EIPR1: variants seen among roughly 807,000 people sequenced by gnomAD.
EIPR1 encodes the protein EARP complex and GARP complex interacting protein 1.
In EIPR1, 25 loss-of-function variants were observed where a neutral mutation model predicts 48.1. That is an observed-to-expected ratio of 0.52 (90% CI 0.38 to 0.73). EIPR1 has a LOEUF of 0.73. Ranked by LOEUF, EIPR1 falls within the 30% of genes least tolerant of loss-of-function variation. EIPR1 has a pLI of 0.00. For missense variants in EIPR1, 415 were observed against 506.2 expected (o/e 0.82, Z 1.73); for synonymous variants, 204 against 201.9 (o/e 1.01, Z -0.09).
At position 3,377,763 on chromosome 2, in the gene EIPR1, G is replaced by C; in HGVS notation, c.-74C>G. 3.3e-6 allele frequency: 5 copies of C among 1,533,654 alleles called. 1 individual carries two copies. The South Asian group carries it at 6.0e-5, about 18-fold the overall frequency. On this transcript the variant is annotated 5_prime_UTR_variant, in exon 1 of 9. Coordinates refer to ENST00000382125, the MANE Select transcript of EIPR1 (RefSeq NM_003310.5). ...GCTACGGCCGGCGCGTCCCCACCTCGCGGGCGTGTTCCCAGCGCCCATTCA... is the reference window on the plus strand; with the variant it reads ...GCTACGGCCGGCGCGTCCCCACCTCCCGGGCGTGTTCCCAGCGCCCATTCA...
rs927613005 is a variant in EIPR1, at chr2:3,312,059, A to G, written c.259+25958T>C. ...ACCCTATAGCTTTCATTGACCCAAG[A>G]TAACTGTGTGTTGGAGCCACAACAC... On this transcript the variant is annotated intron_variant, in intron 3 of 8. Coordinates refer to ENST00000382125, the MANE Select transcript of EIPR1 (RefSeq NM_003310.5). This position sits in a 1 kb window ranked among gnomAD's most constrained non-coding sequence, Gnocchi z 5.5. Among the ~76,000 whole-genome samples, 20 of 152,262 alleles carry G rather than the reference A, an allele frequency of 1.3e-4. No homozygotes were observed. Among genetic ancestry groups the G allele is most frequent in the African/African-American group, 4.3e-4 (18 of 41,552 alleles).
In EIPR1 at chr2:3,365,162, G is replaced by T. The variant is rs565870782; in HGVS notation, c.43-10529C>A. Among the ~76,000 whole-genome samples the T allele has an allele frequency of 4.6e-5, 7 of 151,612 alleles. No individual in the cohort carries two copies. In the South Asian group the frequency reaches 1.5e-3, roughly 32 times the overall value. Reference sequence around the variant, plus strand: ...TAATTAAAAAAAAAAAAGAAGCTGGGTGTGGTGGCTCAAGACTATAATTCC... The same window carrying T: ...TAATTAAAAAAAAAAAAGAAGCTGGTTGTGGTGGCTCAAGACTATAATTCC... On this transcript the variant is annotated intron_variant, in intron 1 of 8. Coordinates refer to ENST00000382125, the MANE Select transcript of EIPR1 (RefSeq NM_003310.5).
intron 3 of EIPR1, among the ~76,000 whole-genome samples, chr2:3,273,997 A>T (rs1321452737): frequency 6.6e-6 from 1 of 152,258 alleles, no homozygotes; most frequent in African/African-American, 2.4e-5. Flanking sequence ...AAGCATCTAG[A>T]AGTAAAAATC....
chr2:3,318,867 T>A (rs761872200), intron 3 of EIPR1: 1 of 471,166 alleles, frequency 2.1e-6, no homozygotes, highest in Non-Finnish European at 4.4e-6. Context: ...CTGCGACCTG[T>A]CCCCTGAAGA....
intron 2 of EIPR1, among the ~76,000 whole-genome samples, chr2:3,348,390 C>A (rs1395388596): frequency 6.6e-6 from 1 of 152,106 alleles, no homozygotes; most frequent in African/African-American, 2.4e-5. Context: ...AAGAGGGGGG[C>A]ACCAATATAC....
rs1558227665 is a variant in EIPR1, at chr2:3,214,267, C to T, written c.417-19G>A. On this transcript the variant is annotated intron_variant, in intron 4 of 8. Coordinates refer to ENST00000382125, the MANE Select transcript of EIPR1 (RefSeq NM_003310.5). ...CACGACACTAAGAGAAAGAGAAGTA[C>T]CAAATGTTAACATAAACATTTGAGA... is the stretch of plus-strand genomic sequence containing the variant. The T allele has an allele frequency of 1.2e-6, 2 of 1,608,116 alleles. No individual in the cohort carries two copies. The highest frequency in any genetic ancestry group is 1.1e-5 in the South Asian group (1 of 90,650).
chr2:3,225,222 A>ATGTGTGTGTGTG (rs61557621), intron 4 of EIPR1, among the ~76,000 whole-genome samples: 2,130 of 136,946 alleles, frequency 0.016, 41 homozygotes, highest in African/African-American at 0.018. Flanking sequence ...ACACTGTGAT[A>ATGTGTGTGTGTG]TGTGTGTGTG....
At position 3,287,382 on chromosome 2, in the gene EIPR1, T is replaced by G. The variant is rs117753972; in HGVS notation, c.260-29927A>C. On this transcript the variant is annotated intron_variant, in intron 3 of 8. Transcript: ENST00000382125. ...GCTCGTTCACTACGCTCCAGAAAGC[T>G]TGTTCACCACAATCCAGAAAGCGTG... is the stretch of plus-strand genomic sequence containing the variant. Among the ~76,000 whole-genome samples, 234 of 151,422 alleles carry G rather than the reference T, an allele frequency of 1.5e-3. 6 individuals carry two copies. In the East Asian group the frequency reaches 0.042, roughly 27 times the overall value.
intron 2 of EIPR1, among the ~76,000 whole-genome samples, chr2:3,341,106 A>C (rs1485170194): frequency 1.3e-5 from 2 of 149,044 alleles, no homozygotes; most frequent in South Asian, 2.1e-4. Flanking sequence ...AAAAAAAAAA[A>C]AAAAAAAAAA....
chr2:3,204,962 A>C (rs1023982081), intron 5 of EIPR1, among the ~76,000 whole-genome samples: 46 of 152,194 alleles, frequency 3.0e-4, no homozygotes, highest in African/African-American at 1.1e-3. Flanking sequence ...CCGCACTCAC[A>C]GCAGACCCTA....
intron 4 of EIPR1, among the ~76,000 whole-genome samples, chr2:3,240,259 ACTCT>A (rs1666561082): frequency 4.6e-4 from 67 of 144,948 alleles, no homozygotes; most frequent in Non-Finnish European, 5.9e-4. Flanking sequence ...AAGCCAGCAG[ACTCT>A]TCCTCAGGAA....
chr2:3,300,004 T>C (rs1187951090), intron 3 of EIPR1, among the ~76,000 whole-genome samples: 5 of 152,146 alleles, frequency 3.3e-5, no homozygotes, highest in African/African-American at 7.2e-5. Context: ...CCCAGTGAGG[T>C]ATGCAGCCTG....
At chr2:3,377,268 C>G (rs1248392192) in intron 1 of EIPR1, 3 of 221,848 alleles carry the variant, frequency 1.4e-5, no homozygotes, top group Non-Finnish European at 1.8e-5. Flanking sequence ...CTTCTAAATA[C>G]TTTAAATTGT....
chr2:3,305,482 C>T lies in EIPR1; in HGVS notation c.259+32535G>A, dbSNP rs192382495. On this transcript the variant is annotated intron_variant, in intron 3 of 8. Transcript: ENST00000382125. Reference sequence around the variant, plus strand: ...CCCGTCCAGTTCAACCCTCCACTCCCGTCAGTTCAGCCCTCCACTCCTGTC... The same window carrying T: ...CCCGTCCAGTTCAACCCTCCACTCCTGTCAGTTCAGCCCTCCACTCCTGTC... Among the ~76,000 whole-genome samples, 874 of 150,790 alleles carry T rather than the reference C, an allele frequency of 5.8e-3. 5 individuals are homozygous for T. Among genetic ancestry groups the T allele is most frequent in the African/African-American group, 0.02 (820 of 41,056 alleles).
rs537921183 is a variant in EIPR1 at position 3,202,153 on chromosome 2, G to A, written c.517-5136C>T. ...GGGGTTTCACCATGTTAGCCAGGAT[G>A]GTCTCGATCTTCTGACCTTGTGATC... On this transcript the variant is annotated intron_variant, in intron 5 of 8. Coordinates refer to ENST00000382125, the MANE Select transcript of EIPR1 (RefSeq NM_003310.5). Among the ~76,000 whole-genome samples the A allele has an allele frequency of 3.3e-5, 5 of 152,198 alleles. No individual in the cohort carries two copies. The South Asian group carries it at 1.0e-3, about 32-fold the overall frequency.
Position 3,214,145 on chromosome 2 carries a change from T to C in EIPR1, c.516+4A>G, listed in dbSNP as rs753015527. 3 of 1,612,664 alleles carry C rather than the reference T, an allele frequency of 1.9e-6. No individual in the cohort carries two copies. The highest frequency in any genetic ancestry group is 2.7e-5 in the African/African-American group (2 of 74,870). Reference sequence around the variant, plus strand: ...ACAAACGCTGTGTTGTTGCTTTTACTTACCACAGCCTGGCTCGAGCTTTCC... The same window carrying C: ...ACAAACGCTGTGTTGTTGCTTTTACCTACCACAGCCTGGCTCGAGCTTTCC... On this transcript the variant is annotated splice_donor_region_variant and intron_variant, in intron 5 of 8. Transcript: ENST00000382125.
rs749407810 is a variant in EIPR1 at position 3,241,683 on chromosome 2, AG to A, written c.416+15615del. On this transcript the variant is annotated intron_variant, in intron 4 of 8. Coordinates refer to ENST00000382125, the MANE Select transcript of EIPR1 (RefSeq NM_003310.5). The stretch of plus-strand genomic sequence containing the variant: ...AACTAGGTGGCGCACACCTGATGTG[AG>A]TATGCAGCATCCCTTCATTGCCACT... Among the ~76,000 whole-genome samples the A allele has an allele frequency of 1.6e-3, 244 of 152,324 alleles. 4 individuals are homozygous for A. In the East Asian group the frequency reaches 0.018, roughly 11 times the overall value.
chr2:3,287,573 C>T (rs763541919), intron 3 of EIPR1, among the ~76,000 whole-genome samples: 47 of 150,716 alleles, frequency 3.1e-4, no homozygotes, highest in African/African-American at 9.7e-4. Flanking sequence ...GCGTTCACCA[C>T]GCTCCAGAAA....
chr2:3,297,546 G>A (rs1295850118), intron 3 of EIPR1, among the ~76,000 whole-genome samples: 2 of 152,224 alleles, frequency 1.3e-5, no homozygotes, highest in Non-Finnish European at 2.9e-5. Context: ...CATGCCCAGG[G>A]GAAACAGCCA....
Sources: allele counts gnomAD v4.1 joint callset (sites outside exome capture counted in the v4.1 genomes callset), GRCh38; gene constraint gnomAD v4.1.1; non-coding constraint Gnocchi (gnomAD v3.1); transcripts MANE v1.5; gene names NCBI Gene and HGNC (gene_info 2026-07-23, HGNC 2026-07-21).